The following FAM20A variants were observed in gnomAD, a reference collection of about 807,000 sequenced individuals.
The protein encoded by FAM20A is FAM20A golgi associated secretory pathway pseudokinase.
Under a neutral mutation model 52.0 loss-of-function variants are expected in FAM20A, and 42 were observed. The ratio of observed to expected loss-of-function variants is 0.81; its 90% CI spans 0.63 to 1.04. The LOEUF (loss-of-function observed/expected upper bound fraction) is 1.04. Ranked by LOEUF, FAM20A falls within the 50% of genes least tolerant of loss-of-function variation. The pLI is 0.00. For missense variants in FAM20A, 742 were observed against 712.7 expected, an observed-to-expected ratio of 1.04 and a Z score of -0.47; for synonymous variants, 304 against 298.9, an observed-to-expected ratio of 1.02 and a Z score of -0.18.
At chr17:68,540,013 C>CA in intron 8 of FAM20A, 47 bp from the exon 9 acceptor site, 1 of 1,555,396 alleles carries the variant, frequency 6.4e-7, no homozygotes, top group Non-Finnish European at 8.9e-7. Flanking sequence ...GCCAGGGGGA[C>CA]AGGTGCTCCT....
chr17:68,565,185 C>A (rs749981891), intron 1 of FAM20A, among the ~76,000 whole-genome samples: 9 of 152,086 alleles, frequency 5.9e-5, no homozygotes, highest in Non-Finnish European at 1.5e-5. Context: ...ATAGACACAG[C>A]AATCCTCTCC....
At chr17:68,556,198 A>G (rs567520774) in intron 1 of FAM20A, among the ~76,000 whole-genome samples, 288 of 152,302 alleles carry the variant, frequency 1.9e-3, no homozygotes, top group Non-Finnish European at 3.6e-3. Context: ...GCAATTGGTG[A>G]GAATAAAAAG....
chr17:68,571,896 G>A (rs2087544009), intron 1 of FAM20A, among the ~76,000 whole-genome samples: 2 of 149,260 alleles, frequency 1.3e-5, no homozygotes, highest in Admixed American at 6.7e-5. Flanking sequence ...ATAAATTACT[G>A]GTGACTTGAA....
At chr17:68,554,907 G>C (rs540588678) in intron 2 of FAM20A, 80 bp from the exon 3 acceptor site, 4 of 1,439,830 alleles carry the variant, frequency 2.8e-6, no homozygotes, top group Non-Finnish European at 3.9e-6. Flanking sequence ...CCTTGACTCT[G>C]GTTCAGATCA....
chr17:68,547,171 T>C (rs1049196545), intron 4 of FAM20A, among the ~76,000 whole-genome samples: 7 of 152,198 alleles, frequency 4.6e-5, no homozygotes, highest in Non-Finnish European at 1.0e-4. Context: ...GGCCTGAGGA[T>C]GTTTTGAATG....
chr17:68,584,181 G>T (rs2143874998), intron 1 of FAM20A, among the ~76,000 whole-genome samples: 2 of 152,172 alleles, frequency 1.3e-5, no homozygotes, highest in East Asian at 3.9e-4. Flanking sequence ...GCCAGGTGTG[G>T]TGGCACACGC....
At chr17:68,551,035 C>A in intron 4 of FAM20A, 1 of 1,218,338 alleles carries the variant, frequency 8.2e-7, no homozygotes, top group Non-Finnish European at 1.0e-6. Context: ...TGGAGGAAAG[C>A]ATGACTTGGG....
In FAM20A at chr17:68,600,346, C is replaced by T. The variant is rs568029338; in HGVS notation, c.321G>A (p.Pro107=). 9 of 1,598,052 alleles carry T rather than the reference C, an allele frequency of 5.6e-6. No individual in the cohort carries two copies. The Admixed American group carries it at 6.9e-5, about 12-fold the overall frequency. ...AHPLYNVPEE[P]PLLGAEDSLL... is the part of the protein sequence containing the mutation. ...GCGAGTCCTCGGCTCCCAGGAGAGG[C>T]GGCTCCTCCGGGACGTTGTACAGCG... Residue 107 remains proline, a synonymous_variant, in exon 1 of 11, where the codon CCG becomes CCA. Coordinates refer to ENST00000592554, the MANE Select transcript of FAM20A (RefSeq NM_017565.4). This position sits in a 1 kb window ranked among gnomAD's most constrained non-coding sequence, Gnocchi z 6.2.
At position 68,600,647 on chromosome 17, in the gene FAM20A, TCCCGGCGCAGC is replaced by T; in HGVS notation, c.9_19del (p.Leu4ProfsTer72). ...CAGCAGCAGCAGAGTCAGTAGGCGG[TCCCGGCGCAGC>T]CCCGGCATGGCGTGCTGGCCAAGGG... On this transcript the variant is annotated frameshift_variant, in exon 1 of 11. Transcript: ENST00000592554. LOFTEE classifies it high-confidence loss of function. This position sits in a 1 kb window ranked among gnomAD's most constrained non-coding sequence, Gnocchi z 6.2. The T allele has an allele frequency of 7.7e-6, 12 of 1,551,888 alleles. No individual in the cohort carries two copies. Among genetic ancestry groups the T allele is most frequent in the Non-Finnish European group, 9.5e-6 (11 of 1,155,218 alleles).
intron 1 of FAM20A, among the ~76,000 whole-genome samples, chr17:68,590,692 G>A (rs2088279190): frequency 6.6e-6 from 1 of 152,190 alleles, no homozygotes; most frequent in Non-Finnish European, 1.5e-5. Flanking sequence ...AGGAGTCAGT[G>A]ACTGTAGCAG....
In FAM20A at chr17:68,539,337, A is replaced by G. The variant is rs2086191581; in HGVS notation, c.1361T>C (p.Met454Thr). The change falls in exon 10 of 11, where the codon ATG (methionine) becomes ACG (threonine). Residue 454 changes from methionine (M) to threonine (T), a missense_variant and splice_region_variant. By Grantham distance (81) the Met-to-Thr change is moderately conservative. Transcript: ENST00000592554. Reference protein sequence around the residue: ...SILSPLSQCCMIKKKTLLHLQ... With the variant: ...SILSPLSQCCTIKKKTLLHLQ... ...TATTATCTGCTGCAGGAAAACTTAC[A>G]TGCAGCACTGGGAGAGAGGCGAGAG... 2 of 1,614,046 alleles carry G rather than the reference A, an allele frequency of 1.2e-6. No individual in the cohort carries two copies. The highest frequency in any genetic ancestry group is 2.7e-5 in the African/African-American group (2 of 75,064).
chr17:68,592,224 G>A (rs919180137), intron 1 of FAM20A, among the ~76,000 whole-genome samples: 8 of 152,306 alleles, frequency 5.3e-5, no homozygotes, highest in African/African-American at 1.7e-4. Context: ...TGCATGGAAT[G>A]TGAAAATAAG....
At chr17:68,541,707 A>T in intron 7 of FAM20A, 1 of 371,796 alleles carries the variant, frequency 2.7e-6, no homozygotes, top group Non-Finnish European at 4.9e-6. Flanking sequence ...TGTTCTCCCC[A>T]CTAGACCAAG....
rs577118650 is a variant in FAM20A, at chr17:68,547,898, C to G, written c.719+3975G>C. On this transcript the variant is annotated intron_variant, in intron 4 of 10. Coordinates refer to ENST00000592554, the MANE Select transcript of FAM20A (RefSeq NM_017565.4). ...TAGCTTTTGGCTTATTGGCTTTCAA[C>G]GTGCCTTCCTTACTAGCCTCCTGAA... is the stretch of plus-strand genomic sequence containing the variant. Among the ~76,000 whole-genome samples, 3 of 152,150 alleles carry G rather than the reference C, an allele frequency of 2.0e-5. No individual in the cohort carries two copies. The South Asian group carries it at 6.2e-4, about 32-fold the overall frequency.
At chr17:68,540,456 G>T in intron 8 of FAM20A, 1 of 468,384 alleles carries the variant, frequency 2.1e-6, no homozygotes, top group East Asian at 6.7e-5. Flanking sequence ...GTCCCTGTGG[G>T]CCTGGAAGGT....
intron 8 of FAM20A, 115 bp downstream of exon 8, chr17:68,540,734 T>C: frequency 7.7e-7 from 1 of 1,301,396 alleles, no homozygotes; most frequent in South Asian, 1.3e-5. Flanking sequence ...CTGTGGGAGG[T>C]GCAGAGTTAC....
intron 8 of FAM20A, among the ~76,000 whole-genome samples, chr17:68,540,283 C>T (rs2086228273): frequency 1.3e-5 from 2 of 152,350 alleles, no homozygotes; most frequent in South Asian, 2.1e-4. Flanking sequence ...TATGTATTGA[C>T]ATTGGCTTTC....
chr17:68,583,789 G>A (rs377240325), intron 1 of FAM20A, among the ~76,000 whole-genome samples: 9 of 152,138 alleles, frequency 5.9e-5, no homozygotes, highest in Non-Finnish European at 1.3e-4. Flanking sequence ...TGTAGTCCCA[G>A]CTACTTGGGA....
intron 3 of FAM20A, among the ~76,000 whole-genome samples, chr17:68,554,056 A>ACACATATG (rs2086977494): frequency 5.4e-5 from 7 of 129,706 alleles, no homozygotes; most frequent in African/African-American, 2.3e-4. Context: ...ACACATATAC[A>ACACATATG]CATATACACA....
Sources: gnomAD v4.1 joint callset for allele counts (sites outside exome capture counted in the v4.1 genomes callset) on GRCh38, gnomAD v4.1.1 for gene constraint, Gnocchi (gnomAD v3.1) non-coding constraint, MANE v1.5 for transcripts, NCBI Gene and HGNC (gene_info 2026-07-23, HGNC 2026-07-21) for gene names.